TRPM3: variants seen among roughly 807,000 people sequenced by gnomAD.
TRPM3 encodes the protein transient receptor potential cation channel subfamily M member 3, also known as long transient receptor potential channel 3.
Under a neutral mutation model 181.2 loss-of-function variants are expected in TRPM3, and 77 were observed. The ratio of observed to expected loss-of-function variants is 0.42; its 90% CI spans 0.35 to 0.51. TRPM3 has a LOEUF of 0.51. TRPM3 is among the 20% of genes least tolerant of loss of function. The probability of loss-of-function intolerance (pLI) is 0.01; values close to 1 mark genes in which losing one functional copy is unlikely to be tolerated. For missense variants in TRPM3, 1,759 were observed against 2,196.7 expected (o/e 0.80, Z 3.98); for synonymous variants, 745 against 796.4 (o/e 0.94, Z 1.09).
intron 22 of TRPM3, among the ~76,000 whole-genome samples, chr9:70,582,596 T>G (rs1476224225): frequency 6.6e-6 from 1 of 152,132 alleles, no homozygotes; most frequent in Non-Finnish European, 1.5e-5. Context: ...ACTAGCAACA[T>G]GCAGCTATTT....
Position 70,998,146 on chromosome 9 carries a change from T to C in TRPM3, c.177+123032A>G, listed in dbSNP as rs201833783. On this transcript the variant is annotated intron_variant, in intron 1 of 25. Transcript: ENST00000677713. ...TTATATATATACATATATATACACA[T>C]ATATATATACATATATACATATATA... 0.011 allele frequency among the ~76,000 whole-genome samples: 745 copies of C among 65,266 alleles called. 18 individuals carry two copies. The East Asian group carries it at 0.15, about 13-fold the overall frequency. 42.8% of individuals were successfully genotyped at this position (65,266 alleles called of 152,430 possible).
rs540281803 is a variant in TRPM3 at position 71,014,126 on chromosome 9, C to G, written c.177+107052G>C. 8.6e-5 allele frequency among the ~76,000 whole-genome samples: 13 copies of G among 151,964 alleles called. 1 individual carries two copies. The highest frequency in any genetic ancestry group is 7.9e-4 in the Admixed American group (12 of 15,266). On this transcript the variant is annotated intron_variant, in intron 1 of 25. Coordinates refer to ENST00000677713, the MANE Select transcript of TRPM3 (RefSeq NM_001366145.2). ...AGATTCAGATATATAGTGTTTTTAA[C>G]ATCATTATTTTGTAAAAATCCTGAA...
At chr9:71,234,959 C>A (rs1340877543) in intron 1 of TRPM3, among the ~76,000 whole-genome samples, 1 of 152,326 alleles carries the variant, frequency 6.6e-6, no homozygotes, top group Non-Finnish European at 1.5e-5. Flanking sequence ...ACATAGGCTT[C>A]ATAGGACAAG....
intron 1 of TRPM3, among the ~76,000 whole-genome samples, chr9:70,963,414 G>A (rs1468613690): frequency 6.6e-6 from 1 of 152,052 alleles, no homozygotes; most frequent in Admixed American, 6.6e-5. Flanking sequence ...TTAAAGAGGG[G>A]GTGCAACATC....
At chr9:70,914,901 T>C (rs1228623337) in intron 1 of TRPM3, among the ~76,000 whole-genome samples, 3 of 152,242 alleles carry the variant, frequency 2.0e-5, no homozygotes, top group Non-Finnish European at 4.4e-5. Context: ...ACTTTGTTAC[T>C]GGGTGCCTCC....
chr9:70,556,713 C>T (rs918159542), intron 22 of TRPM3, among the ~76,000 whole-genome samples: 2 of 152,066 alleles, frequency 1.3e-5, no homozygotes, highest in Admixed American at 1.3e-4. Flanking sequence ...CACAGCAAGA[C>T]CCTGTCTCAA....
At position 70,591,140 on chromosome 9, in the gene TRPM3, C is replaced by G. The variant is rs1316981467; in HGVS notation, c.3114G>C (p.Arg1038Ser). Residue 1038 changes from arginine (R) to serine (S), a missense_variant, in exon 22 of 26, where the codon AGG becomes AGC. Coordinates refer to ENST00000677713, the MANE Select transcript of TRPM3 (RefSeq NM_001366145.2). ...CCTCATTGGGAAAAAGGATGGCTTG[C>G]CTGGCGACCCCAAAGCTCATCAGAA... The part of the protein sequence containing the change: ...LVVLMSFGVA[R>S]QAILFPNEEP... The G allele has an allele frequency of 6.2e-7, 1 of 1,614,018 alleles. No individual in the cohort carries two copies.
At chr9:70,839,529 T>C (rs527629448) in intron 5 of TRPM3, among the ~76,000 whole-genome samples, 132 of 152,304 alleles carry the variant, frequency 8.7e-4, no homozygotes, top group Middle Eastern at 3.4e-3. Flanking sequence ...ATGTTCAGTT[T>C]CTAAAAGTGA....
chr9:71,025,827 C>T (rs1359510043), intron 1 of TRPM3, among the ~76,000 whole-genome samples: 1 of 152,158 alleles, frequency 6.6e-6, no homozygotes. Flanking sequence ...GGGAACAGGA[C>T]ACCAGGAAGA....
chr9:71,360,614 A>G (rs1487164984), intron 1 of TRPM3, among the ~76,000 whole-genome samples: 1 of 152,208 alleles, frequency 6.6e-6, no homozygotes, highest in African/African-American at 2.4e-5. Context: ...ATGAGCTTGC[A>G]GTTTAGTAGA....
At chr9:71,133,687 G>A (rs566745993) in intron 1 of TRPM3, among the ~76,000 whole-genome samples, 93 of 152,164 alleles carry the variant, frequency 6.1e-4, no homozygotes, top group Admixed American at 1.9e-3. Context: ...CATGTGAATT[G>A]CTAGTATTTT....
At chr9:71,139,449 A>T (rs1291442890) in intron 1 of TRPM3, among the ~76,000 whole-genome samples, 9 of 152,238 alleles carry the variant, frequency 5.9e-5, no homozygotes, top group Non-Finnish European at 5.9e-5. Context: ...ACTTAAAAAT[A>T]GGAACAAATT....
intron 1 of TRPM3, among the ~76,000 whole-genome samples, chr9:71,186,251 C>T (rs1269461496): frequency 6.6e-6 from 1 of 151,974 alleles, no homozygotes; most frequent in Non-Finnish European, 1.5e-5. Context: ...AGGTCACATG[C>T]TAAGCTATGG....
intron 7 of TRPM3, 119 bp from the exon 8 acceptor site, chr9:70,761,843 G>T: frequency 8.2e-7 from 1 of 1,213,710 alleles, no homozygotes; most frequent in Non-Finnish European, 1.1e-6. Flanking sequence ...AGTTATTTCT[G>T]TATTTTTCTC....
At chr9:70,889,757 A>G (rs2096163296) in intron 1 of TRPM3, among the ~76,000 whole-genome samples, 1 of 152,068 alleles carries the variant, frequency 6.6e-6, no homozygotes. Context: ...AGGCTTAAGT[A>G]ATAGCCAAGG....
At chr9:71,200,343 T>C (rs1333836995) in intron 1 of TRPM3, among the ~76,000 whole-genome samples, 3 of 151,560 alleles carry the variant, frequency 2.0e-5, no homozygotes, top group Non-Finnish European at 4.4e-5. Context: ...AAAAAATGTA[T>C]ATTCTGTTGA....
intron 7 of TRPM3, among the ~76,000 whole-genome samples, chr9:70,767,418 C>G (rs1435343575): frequency 6.6e-6 from 1 of 152,148 alleles, no homozygotes; most frequent in African/African-American, 2.4e-5. Context: ...CAGTTCTAGC[C>G]TCAAGGAACT....
At position 70,536,981 on chromosome 9, in the gene TRPM3, G is replaced by A. The variant is rs200634226; in HGVS notation, c.4132C>T (p.Arg1378Trp). ...GCTACAGAGTGGGAACTAGTAGCCC[G>A]GTGTAGGCTCAGGGACCTTTCTTTA... ...IFKERSLSLH[R>W]ATSSHSVAKE... Residue 1378 changes from arginine (R) to tryptophan (W), a missense_variant, in exon 26 of 26, where the codon CGG becomes TGG. Coordinates refer to ENST00000677713, the MANE Select transcript of TRPM3 (RefSeq NM_001366145.2). 16 of 1,612,674 alleles carry A rather than the reference G, an allele frequency of 9.9e-6. No homozygotes were observed. The Admixed American group carries it at 1.3e-4, about 13-fold the overall frequency.
intron 1 of TRPM3, among the ~76,000 whole-genome samples, chr9:71,186,088 G>A (rs1055214459): frequency 7.2e-5 from 11 of 151,970 alleles, no homozygotes; most frequent in South Asian, 4.2e-4. Flanking sequence ...CTGACTTCAC[G>A]GCATCCTCCA....
Sources: allele counts gnomAD v4.1 joint callset (sites outside exome capture counted in the v4.1 genomes callset), GRCh38; gene constraint gnomAD v4.1.1; transcripts MANE v1.5; gene names NCBI Gene and HGNC (gene_info 2026-07-23, HGNC 2026-07-21).